The following DLG2 variants were observed in gnomAD, a reference collection of about 807,000 sequenced individuals.
DLG2 encodes the protein disks large homolog 2.
A neutral mutation model predicts 132.5 loss-of-function variants in DLG2; 45 were observed. The ratio of observed to expected loss-of-function variants is 0.34; its 90% confidence interval spans 0.27 to 0.44. DLG2 has a LOEUF of 0.44. DLG2 is among the 20% of genes least tolerant of loss of function. The probability of loss-of-function intolerance (pLI) is 1.00; values close to 1 mark genes in which losing one functional copy is unlikely to be tolerated. For synonymous variants in DLG2, 424 were observed against 419.6 expected, an observed-to-expected ratio of 1.01 and a Z score of -0.13; for missense variants, 1,045 against 1,196.9, an observed-to-expected ratio of 0.87 and a Z score of 1.87.
At chr11:83,999,222 C>A (rs2094204942) in intron 11 of DLG2, among the ~76,000 whole-genome samples, 1 of 152,148 alleles carries the variant, frequency 6.6e-6, no homozygotes, top group Admixed American at 6.6e-5. Context: ...CCTTCTTCCA[C>A]CCTCTGGGCC....
At chr11:85,562,659 C>G (rs985526996) in intron 3 of DLG2, among the ~76,000 whole-genome samples, 6 of 151,584 alleles carry the variant, frequency 4.0e-5, no homozygotes, top group Non-Finnish European at 8.9e-5. Context: ...TTCTCCAGTT[C>G]AAAAATGGCC....
chr11:84,240,186 G>C (rs1315510917), intron 8 of DLG2, among the ~76,000 whole-genome samples: 2 of 152,106 alleles, frequency 1.3e-5, no homozygotes, highest in African/African-American at 4.8e-5. Flanking sequence ...TAGGCCTCTT[G>C]GACTACATGT....
chr11:83,844,598 T>G (rs1268618461), intron 16 of DLG2, among the ~76,000 whole-genome samples: 1 of 149,770 alleles, frequency 6.7e-6, no homozygotes, highest in African/African-American at 2.4e-5. Context: ...CAAGGCATGT[T>G]TGAATGTCAA....
chr11:85,293,427 T>G (rs1431554080), intron 3 of DLG2, among the ~76,000 whole-genome samples: 2 of 152,116 alleles, frequency 1.3e-5, no homozygotes, highest in Non-Finnish European at 2.9e-5. Context: ...ACTTATAAAA[T>G]TATTTTTTAA....
chr11:84,748,455 C>G (rs1368285340), intron 6 of DLG2, among the ~76,000 whole-genome samples: 1 of 152,130 alleles, frequency 6.6e-6, no homozygotes, highest in Non-Finnish European at 1.5e-5. Context: ...ATTTTATATA[C>G]TTCATTTCCT....
At chr11:84,394,531 A>C (rs187023513) in intron 7 of DLG2, among the ~76,000 whole-genome samples, 1 of 152,196 alleles carries the variant, frequency 6.6e-6, no homozygotes, top group African/African-American at 2.4e-5. Flanking sequence ...GTCTGGGTGC[A>C]GACTTTTAAA....
intron 6 of DLG2, among the ~76,000 whole-genome samples, chr11:84,915,046 G>C (rs1156842900): frequency 6.6e-6 from 1 of 152,214 alleles, no homozygotes; most frequent in Non-Finnish European, 1.5e-5. Flanking sequence ...AGGCTATATG[G>C]AGAAGCCCTA....
intron 6 of DLG2, among the ~76,000 whole-genome samples, chr11:84,993,115 G>A (rs148366361): frequency 1.2e-3 from 181 of 152,280 alleles, no homozygotes; most frequent in African/African-American, 4.1e-3. Context: ...ATGAGTTCAC[G>A]TCCTTTGCAG....
intron 14 of DLG2, among the ~76,000 whole-genome samples, chr11:83,946,642 T>C (rs931411017): frequency 3.3e-5 from 5 of 152,216 alleles, no homozygotes; most frequent in African/African-American, 1.2e-4. Flanking sequence ...TTATATTCCA[T>C]GGATAAATGT....
Position 84,534,562 on chromosome 11 carries a change from T to C in DLG2, c.519+8A>G. The C allele has an allele frequency of 6.2e-7, 1 of 1,613,152 alleles. No homozygotes were observed. The highest frequency in any genetic ancestry group is 8.5e-7 in the Non-Finnish European group (1 of 1,179,204). On this transcript the variant is annotated splice_region_variant and intron_variant, in intron 7 of 27. Coordinates refer to ENST00000376104, the MANE Select transcript of DLG2 (RefSeq NM_001142699.3). The stretch of plus-strand genomic sequence containing the variant: ...CAACTATAAAGTCGGAAGAGCAATA[T>C]AACTGACCTTCAGAGGAGAAATATG...
intron 8 of DLG2, among the ~76,000 whole-genome samples, chr11:84,230,243 G>A (rs2097072144): frequency 6.6e-6 from 1 of 152,088 alleles, no homozygotes; most frequent in African/African-American, 2.4e-5. Flanking sequence ...CAACCTACTA[G>A]GAGCCCCACA....
intron 6 of DLG2, among the ~76,000 whole-genome samples, chr11:84,846,822 T>C (rs1000196431): frequency 6.6e-6 from 1 of 152,166 alleles, no homozygotes; most frequent in African/African-American, 2.4e-5. Context: ...TGAGTGTCCA[T>C]GTAAGAATTA....
intron 3 of DLG2, among the ~76,000 whole-genome samples, chr11:85,593,746 T>C (rs966147277): frequency 2.0e-5 from 3 of 152,186 alleles, no homozygotes; most frequent in Non-Finnish European, 4.4e-5. Flanking sequence ...TTCAAAGAGA[T>C]GTTATTTTGA....
At chr11:83,961,856 T>C (rs2088881058) in intron 14 of DLG2, among the ~76,000 whole-genome samples, 1 of 152,040 alleles carries the variant, frequency 6.6e-6, no homozygotes, top group African/African-American at 2.4e-5. Context: ...AGGAAGAAGC[T>C]TGTATTTGAT....
chr11:84,702,589 G>GAGACAGA (rs2059324887), intron 6 of DLG2, among the ~76,000 whole-genome samples: 1 of 151,480 alleles, frequency 6.6e-6, no homozygotes, highest in Admixed American at 6.6e-5. Flanking sequence ...CTTTTGCTCT[G>GAGACAGA]TCTCAAAGCA....
intron 6 of DLG2, among the ~76,000 whole-genome samples, chr11:84,678,089 A>G (rs545868476): frequency 6.6e-6 from 1 of 152,186 alleles, no homozygotes. Context: ...ATTCATTAAA[A>G]GACTCTATGG....
intron 4 of DLG2, among the ~76,000 whole-genome samples, chr11:85,167,814 T>C (rs896856666): frequency 1.3e-5 from 2 of 152,144 alleles, no homozygotes; most frequent in African/African-American, 2.4e-5. Context: ...GTCTTAGCCA[T>C]GGACCTAGCA....
chr11:84,814,598 G>A (rs949862839), intron 6 of DLG2, among the ~76,000 whole-genome samples: 3 of 151,826 alleles, frequency 2.0e-5, no homozygotes, highest in South Asian at 2.1e-4. Context: ...CTTAAATTAC[G>A]TGCAGTTCTC....
At chr11:85,125,019 A>G (rs1266093495) in intron 5 of DLG2, among the ~76,000 whole-genome samples, 1 of 152,082 alleles carries the variant, frequency 6.6e-6, no homozygotes, top group African/African-American at 2.4e-5. Context: ...TTTAGTAGAT[A>G]CGGGGTTTCA....
Sources: allele counts gnomAD v4.1 joint callset (sites outside exome capture counted in the v4.1 genomes callset), GRCh38; gene constraint gnomAD v4.1.1; transcripts MANE v1.5; gene names NCBI Gene and HGNC (gene_info 2026-07-23, HGNC 2026-07-21).